MARCHF3: variants seen among roughly 807,000 people sequenced by gnomAD.
MARCHF3 encodes the protein membrane associated ring-CH-type finger 3.
Under a neutral mutation model 24.2 loss-of-function variants are expected in MARCHF3, and 13 were observed. The ratio of observed to expected loss-of-function variants is 0.54; its 90% CI spans 0.35 to 0.85. The LOEUF (loss-of-function observed/expected upper bound fraction) is 0.85, where lower values mean the gene tolerates loss of function less well. Among genes scored for constraint, MARCHF3 ranks in the 40% least tolerant of loss-of-function variants. The pLI, the probability that MARCHF3 is intolerant of heterozygous loss-of-function variation, is 0.01. For missense variants in MARCHF3, 276 were observed against 325.0 expected, an observed-to-expected ratio of 0.85 and a Z score of 1.16; for synonymous variants, 144 against 137.3, an observed-to-expected ratio of 1.05 and a Z score of -0.34.
intron 1 of MARCHF3, among the ~76,000 whole-genome samples, chr5:127,005,749 A>G (rs771877940): frequency 1.3e-5 from 2 of 152,126 alleles, no homozygotes; most frequent in Non-Finnish European, 2.9e-5. Context: ...ATGAATCCCA[A>G]CACTAAAAAG....
intron 1 of MARCHF3, among the ~76,000 whole-genome samples, chr5:126,934,963 G>A (rs1185862044): frequency 6.6e-6 from 1 of 152,120 alleles, no homozygotes; most frequent in East Asian, 1.9e-4. Context: ...TTCCCACTGG[G>A]AATAAAATGT....
intron 4 of MARCHF3, among the ~76,000 whole-genome samples, chr5:126,874,536 G>A (rs1235353989): frequency 6.6e-6 from 1 of 151,368 alleles, no homozygotes; most frequent in Admixed American, 6.6e-5. Flanking sequence ...CGGTGATCTC[G>A]GCTCACACCA....
chr5:126,888,126 T>C lies in MARCHF3; in HGVS notation c.394-9732A>G, dbSNP rs138861010. Among the ~76,000 whole-genome samples, 606 of 152,324 alleles carry C rather than the reference T, an allele frequency of 4.0e-3. 5 individuals are homozygous for C. The highest frequency in any genetic ancestry group is 0.014 in the African/African-American group (572 of 41,572). ...AGGATCACTTTGGGTAGACATCAAA[T>C]GAATATAACTGAAATGCATATATAA... On this transcript the variant is annotated intron_variant, in intron 3 of 4. Coordinates refer to ENST00000308660, the MANE Select transcript of MARCHF3 (RefSeq NM_178450.5).
chr5:126,969,670 G>T (rs1750934857), intron 1 of MARCHF3, among the ~76,000 whole-genome samples: 1 of 152,334 alleles, frequency 6.6e-6, no homozygotes, highest in African/African-American at 2.4e-5. Flanking sequence ...CTGGTTGACA[G>T]TTTGTTCTGG....
intron 1 of MARCHF3, among the ~76,000 whole-genome samples, chr5:126,930,227 AG>A (rs1749438416): frequency 2.0e-5 from 3 of 152,236 alleles, no homozygotes; most frequent in African/African-American, 7.2e-5. Flanking sequence ...TGCTCTTGGA[AG>A]GAAGGCCAGA....
At chr5:127,016,511 G>C (rs1363205297) in intron 1 of MARCHF3, among the ~76,000 whole-genome samples, 7 of 152,138 alleles carry the variant, frequency 4.6e-5, no homozygotes, top group Non-Finnish European at 8.8e-5. Context: ...ATGAAAAAAT[G>C]TTCATCATCA....
intron 3 of MARCHF3, among the ~76,000 whole-genome samples, chr5:126,899,885 T>C (rs1224602621): frequency 6.6e-6 from 1 of 152,070 alleles, no homozygotes; most frequent in African/African-American, 2.4e-5. Flanking sequence ...ACCACAGTGG[T>C]ACATGTGTCA....
intron 3 of MARCHF3, among the ~76,000 whole-genome samples, chr5:126,906,129 C>T (rs1218578914): frequency 6.7e-5 from 10 of 148,514 alleles, no homozygotes; most frequent in African/African-American, 2.5e-4. Flanking sequence ...TATTGATTTG[C>T]ATATATTGAA....
At chr5:126,936,727 C>T (rs974390203) in intron 1 of MARCHF3, among the ~76,000 whole-genome samples, 1 of 152,176 alleles carries the variant, frequency 6.6e-6, no homozygotes, top group African/African-American at 2.4e-5. Context: ...AAACTGCCTC[C>T]TGAGAAAACA....
intron 3 of MARCHF3, among the ~76,000 whole-genome samples, chr5:126,904,118 C>T (rs1337401530): frequency 1.3e-5 from 2 of 150,584 alleles, no homozygotes; most frequent in Non-Finnish European, 2.9e-5. Context: ...CCAATTTCAT[C>T]CACGTCCCTA....
At chr5:126,895,568 G>C (rs1031879994) in intron 3 of MARCHF3, among the ~76,000 whole-genome samples, 6 of 152,122 alleles carry the variant, frequency 3.9e-5, no homozygotes, top group Admixed American at 3.9e-4. Flanking sequence ...GGAATACCCT[G>C]CAGTGTGAGG....
chr5:126,976,314 A>G (rs763444709), intron 1 of MARCHF3, among the ~76,000 whole-genome samples: 1 of 152,164 alleles, frequency 6.6e-6, no homozygotes, highest in Non-Finnish European at 1.5e-5. Flanking sequence ...GACTCGATCA[A>G]TTTCACTTTG....
intron 1 of MARCHF3, among the ~76,000 whole-genome samples, chr5:126,932,024 A>G (rs957358334): frequency 3.9e-5 from 6 of 152,254 alleles, no homozygotes; most frequent in Non-Finnish European, 8.8e-5. Flanking sequence ...ATTAAATGAA[A>G]TAACATATAT....
intron 1 of MARCHF3, among the ~76,000 whole-genome samples, chr5:127,009,069 A>G (rs916377946): frequency 6.6e-6 from 1 of 152,168 alleles, no homozygotes; most frequent in Non-Finnish European, 1.5e-5. Flanking sequence ...ATAAAGGAAG[A>G]CAGGACCAAA....
intron 3 of MARCHF3, chr5:126,914,550 T>G: frequency 3.3e-6 from 1 of 301,996 alleles, no homozygotes; most frequent in East Asian, 5.8e-5. Context: ...CAAATGCCCA[T>G]TTATCTCCTG....
At chr5:126,963,740 C>T (rs1475809238) in intron 1 of MARCHF3, among the ~76,000 whole-genome samples, 1 of 152,136 alleles carries the variant, frequency 6.6e-6, no homozygotes, top group Non-Finnish European at 1.5e-5. Context: ...TTTGACTCTT[C>T]TTTAATTGGT....
Position 126,870,561 on chromosome 5 carries a change from A to G in MARCHF3, c.*72T>C. The G allele has an allele frequency of 6.9e-7, 1 of 1,449,776 alleles. No homozygotes were observed. The highest frequency in any genetic ancestry group is 9.6e-7 in the Non-Finnish European group (1 of 1,042,512). The allele number at this position is 1,449,776 out of a possible 1,614,324, so 89.8% of individuals were successfully genotyped here. ...TTAAGGAAGGGCTTGGGGGTCGCTC[A>G]GTGCATGACCCCAGTGCAGACACTT... On this transcript the variant is annotated 3_prime_UTR_variant, in exon 5 of 5. Coordinates refer to ENST00000308660, the MANE Select transcript of MARCHF3 (RefSeq NM_178450.5).
At chr5:126,918,282 G>T in intron 1 of MARCHF3, 55 bp from the exon 2 acceptor site, 1 of 1,098,294 alleles carries the variant, frequency 9.1e-7, no homozygotes, top group Non-Finnish European at 1.3e-6. Context: ...AGAAAATGGA[G>T]AATTATGGGC....
chr5:126,874,115 T>G (rs1753066224), intron 4 of MARCHF3, among the ~76,000 whole-genome samples: 1 of 152,224 alleles, frequency 6.6e-6, no homozygotes, highest in Admixed American at 6.5e-5. Flanking sequence ...ATACTGCTCC[T>G]TATGGGATGC....
Sources: allele counts gnomAD v4.1 joint callset (sites outside exome capture counted in the v4.1 genomes callset), GRCh38; gene constraint gnomAD v4.1.1; transcripts MANE v1.5; gene names NCBI Gene and HGNC (gene_info 2026-07-23, HGNC 2026-07-21).